SWT1: variants seen among roughly 807,000 people sequenced by gnomAD.
The protein encoded by SWT1 is transcriptional protein SWT1.
SWT1 carries 33 observed loss-of-function variants against 107.3 expected under a neutral mutation model. That is an observed-to-expected ratio of 0.31 (90% confidence interval 0.23 to 0.41). The LOEUF (loss-of-function observed/expected upper bound fraction) is 0.41, where lower values mean the gene tolerates loss of function less well. Ranked by LOEUF, SWT1 falls within the 10% of genes least tolerant of loss-of-function variation. The pLI, the probability that SWT1 is intolerant of heterozygous loss-of-function variation, is 1.00. For synonymous variants in SWT1, 345 were observed against 348.3 expected (o/e 0.99, Z 0.11); for missense variants, 898 against 1,028.9 (o/e 0.87, Z 1.74).
chr1:185,259,776 G>T (rs1439355439), intron 16 of SWT1, among the ~76,000 whole-genome samples: 1 of 152,104 alleles, frequency 6.6e-6, no homozygotes, highest in East Asian at 1.9e-4. Flanking sequence ...TATCTGTTTA[G>T]ACCACTTACT....
At chr1:185,184,715 A>C in intron 8 of SWT1, 28 bp from the exon 9 acceptor site, 1 of 1,578,156 alleles carries the variant, frequency 6.3e-7, no homozygotes. Context: ...ATGTTTGTTA[A>C]ATTCTAAGAA....
At chr1:185,246,107 T>A (rs1376214825) in intron 16 of SWT1, among the ~76,000 whole-genome samples, 1 of 152,016 alleles carries the variant, frequency 6.6e-6, no homozygotes, top group East Asian at 1.9e-4. Context: ...ATATATGTGG[T>A]CCATTGTTGA....
At chr1:185,217,075 CTAGCATCCTAA>C (rs1659278969) in intron 14 of SWT1, among the ~76,000 whole-genome samples, 1 of 152,184 alleles carries the variant, frequency 6.6e-6, no homozygotes, top group African/African-American at 2.4e-5. Context: ...AGCAAAGAAT[CTAGCATCCTAA>C]TAGTGCTTTC....
Position 185,209,300 on chromosome 1 carries a change from A to G in SWT1, c.1972+2537A>G, listed in dbSNP as rs888586140. Among the ~76,000 whole-genome samples the G allele has an allele frequency of 2.6e-4, 39 of 152,054 alleles. 1 individual carries two copies. On this transcript the variant is annotated intron_variant, in intron 13 of 18. Transcript: ENST00000367500. ...ACGTCCAGGTCTGTTACATAGGTAT[A>G]CACGTTCCATGGGGGTTTGCTGCAC...
At chr1:185,215,310 C>T (rs147771462) in intron 14 of SWT1, among the ~76,000 whole-genome samples, 234 of 151,914 alleles carry the variant, frequency 1.5e-3, no homozygotes, top group Non-Finnish European at 2.8e-3. Flanking sequence ...GCCCTTTTTC[C>T]CCCAGGTGCT....
intron 16 of SWT1, among the ~76,000 whole-genome samples, chr1:185,271,092 G>A (rs1663823475): frequency 6.6e-6 from 1 of 152,186 alleles, no homozygotes; most frequent in African/African-American, 2.4e-5. Context: ...ATTAATTGAT[G>A]TTATAAGCAT....
intron 8 of SWT1, 50 bp from the exon 9 acceptor site, chr1:185,184,693 G>A: frequency 6.9e-7 from 1 of 1,442,962 alleles, no homozygotes; most frequent in Admixed American, 1.9e-5. Context: ...ATTCCATTTA[G>A]TAGCTCAATA....
intron 16 of SWT1, chr1:185,263,590 G>A (rs956814742): frequency 6.6e-6 from 1 of 152,200 alleles, no homozygotes; most frequent in Non-Finnish European, 1.5e-5. Flanking sequence ...TTTTTTGAAG[G>A]TGGTTTCAAC....
At chr1:185,217,055 G>A (rs1264565754) in intron 14 of SWT1, among the ~76,000 whole-genome samples, 1 of 152,106 alleles carries the variant, frequency 6.6e-6, no homozygotes, top group East Asian at 1.9e-4. Flanking sequence ...AGAGATTCAT[G>A]AAGGCGAGTA....
chr1:185,166,344 AT>A lies in SWT1; in HGVS notation c.85-227del, dbSNP rs1296335034. Among the ~76,000 whole-genome samples, 10 of 152,316 alleles carry A rather than the reference AT, an allele frequency of 6.6e-5. No homozygotes were observed. In the South Asian group the frequency reaches 1.9e-3, roughly 28 times the overall value. ...AGCTGTCAGCTGGCTTCCTGCTCTG[AT>A]ACCTATATCCCACCTCATCTCTATT... On this transcript the variant is annotated intron_variant, in intron 2 of 18. Transcript: ENST00000367500.
rs980087539 is a variant in SWT1, at chr1:185,222,004, A to G, written c.2277A>G (p.Leu759=). 6.3e-7 allele frequency: 1 copy of G among 1,594,370 alleles called. No homozygotes were observed. Among genetic ancestry groups the G allele is most frequent in the Non-Finnish European group, 8.5e-7 (1 of 1,173,582 alleles). ...GGCATCAAGAAATCTGGTCTATCCT[A>G]GAGAGTGTTTGGATTACAATATATC... The part of the protein sequence containing the change: ...PSRHQEIWSI[L]ESVWITIYQN... The change falls in exon 15 of 19, where the codon CTA becomes CTG. Residue 759 remains leucine (L), a synonymous_variant. Coordinates refer to ENST00000367500, the MANE Select transcript of SWT1 (RefSeq NM_017673.7).
intron 2 of SWT1, among the ~76,000 whole-genome samples, chr1:185,162,201 C>G (rs1220306642): frequency 6.6e-6 from 1 of 152,162 alleles, no homozygotes; most frequent in Non-Finnish European, 1.5e-5. Flanking sequence ...TTCCTTAAAC[C>G]TACTTAAAAC....
At chr1:185,246,933 G>T (rs185491421) in intron 16 of SWT1, among the ~76,000 whole-genome samples, 133 of 152,148 alleles carry the variant, frequency 8.7e-4, no homozygotes, top group Non-Finnish European at 1.3e-3. Context: ...CTGACCAGGG[G>T]CTAATTTTTT....
intron 13 of SWT1, among the ~76,000 whole-genome samples, chr1:185,213,509 A>G (rs1658986721): frequency 6.6e-6 from 1 of 152,196 alleles, no homozygotes; most frequent in African/African-American, 2.4e-5. Flanking sequence ...ATTTCACTTG[A>G]CCCTTCAGGA....
At chr1:185,186,900 G>A (rs932466488) in intron 9 of SWT1, among the ~76,000 whole-genome samples, 1 of 150,864 alleles carries the variant, frequency 6.6e-6, no homozygotes, top group Non-Finnish European at 1.5e-5. Context: ...GATTACAGGT[G>A]TGCCCCACCA....
chr1:185,174,931 A>T lies in SWT1; in HGVS notation c.784A>T (p.Thr262Ser). Residue 262 changes from threonine to serine, a missense_variant, in exon 5 of 19, where the codon ACT (threonine) becomes TCT (serine). By Grantham distance (58) the Thr-to-Ser change is moderately conservative. Around this residue, in one of 6 missense-constraint regions of SWT1, gnomAD observed 382 missense variants for 362.4 expected, o/e 1.05. Transcript: ENST00000367500. ...VFNIDSNNSK[T>S]KQEEREYLES... ...CAACATAGATTCTAATAATTCGAAG[A>T]CTAAGCAGGAAGAAAGAGAATACCT... is the stretch of plus-strand genomic sequence containing the variant. The T allele has an allele frequency of 6.2e-7, 1 of 1,614,004 alleles. No homozygotes were observed. Among genetic ancestry groups the T allele is most frequent in the Non-Finnish European group, 8.5e-7 (1 of 1,179,990 alleles).
chr1:185,162,943 G>A (rs1256893607), intron 2 of SWT1, among the ~76,000 whole-genome samples: 5 of 151,554 alleles, frequency 3.3e-5, no homozygotes, highest in Admixed American at 2.0e-4. Flanking sequence ...CTGAGCAGCA[G>A]AGCAAGACCC....
chr1:185,184,946 C>G lies in SWT1; in HGVS notation c.1429+15C>G, dbSNP rs374746925. The G allele has an allele frequency of 2.9e-5, 42 of 1,427,158 alleles. No homozygotes were observed. The highest frequency in any genetic ancestry group is 3.8e-5 in the Non-Finnish European group (41 of 1,084,200). 88.4% of individuals were successfully genotyped at this position (1,427,158 alleles called of 1,614,324 possible). A position where few individuals can be genotyped will look rare whatever the true frequency, so the allele number is the denominator to read the frequency against. ...CCAAAAACATTGTAAGTATTGTTCT[C>G]TCAGAGTGCCTCCTGATTAATACTT... On this transcript the variant is annotated intron_variant, in intron 9 of 18. Transcript: ENST00000367500.
intron 6 of SWT1, among the ~76,000 whole-genome samples, chr1:185,180,851 G>GT (rs1655962802): frequency 6.6e-6 from 1 of 152,156 alleles, no homozygotes; most frequent in African/African-American, 2.4e-5. Context: ...GTACATGAGT[G>GT]TTTATCTTTT....
Sources: gnomAD v4.1 joint callset for allele counts (sites outside exome capture counted in the v4.1 genomes callset) on GRCh38, gnomAD v4.1.1 for gene constraint, gnomAD v4.1.1 regional missense constraint, MANE v1.5 for transcripts, NCBI Gene and HGNC (gene_info 2026-07-23, HGNC 2026-07-21) for gene names.